ST3GAL5: variants seen among roughly 807,000 people sequenced by gnomAD.
ST3GAL5 encodes the protein ST3 beta-galactoside alpha-2,3-sialyltransferase 5.
A neutral mutation model predicts 46.1 loss-of-function variants in ST3GAL5; 25 were observed. That is an observed-to-expected ratio of 0.54 (90% CI 0.40 to 0.76). ST3GAL5 has a LOEUF of 0.76. Ranked by LOEUF, ST3GAL5 falls within the 30% of genes least tolerant of loss-of-function variation. The probability of loss-of-function intolerance (pLI) is 0.00; values close to 1 mark genes in which losing one functional copy is unlikely to be tolerated. For synonymous variants in ST3GAL5, 182 were observed against 192.7 expected (o/e 0.94, Z 0.46); for missense variants, 431 against 521.2 (o/e 0.83, Z 1.69).
intron 2 of ST3GAL5, among the ~76,000 whole-genome samples, chr2:85,861,652 AAAAAAAAAAAAG>A (rs1434537555): frequency 8.5e-4 from 129 of 151,154 alleles, no homozygotes; most frequent in Non-Finnish European, 1.5e-3. Flanking sequence ...CCTTAAAAAA[AAAAAAAAAAAAG>A]AAAAGAAAAG....
At position 85,861,199 on chromosome 2, in the gene ST3GAL5, C is replaced by T. The variant is rs759211463; in HGVS notation, c.300G>A (p.Val100=). ...EECDMKKMHY[V]DPDHVKRAQK... ...ATCTAACCTTTACATGGTCAGGGTCCACATAATGCATTTTTTTCATGTCAC... is the reference window on the plus strand; with the variant it reads ...ATCTAACCTTTACATGGTCAGGGTCTACATAATGCATTTTTTTCATGTCAC... The change falls in exon 3 of 7, where the codon GTG becomes GTA. Residue 100 remains valine, a synonymous_variant. Coordinates refer to ENST00000638572, the MANE Select transcript of ST3GAL5 (RefSeq NM_003896.4). 3 of 1,609,392 alleles carry T rather than the reference C, an allele frequency of 1.9e-6. No homozygotes were observed. Among genetic ancestry groups the T allele is most frequent in the Non-Finnish European group, 1.7e-6 (2 of 1,176,152 alleles).
At chr2:85,863,009 T>C (rs966068216) in intron 2 of ST3GAL5, among the ~76,000 whole-genome samples, 1 of 152,188 alleles carries the variant, frequency 6.6e-6, no homozygotes, top group African/African-American at 2.4e-5. Flanking sequence ...GAAATTTAAT[T>C]AACCATATTT....
At chr2:85,846,747 T>C in intron 4 of ST3GAL5, 184 bp from the exon 5 acceptor site, 1 of 610,754 alleles carries the variant, frequency 1.6e-6, no homozygotes. Context: ...CAGCCTTTAG[T>C]ACTTGAGCGA....
intron 1 of ST3GAL5, among the ~76,000 whole-genome samples, chr2:85,872,227 AG>A (rs753386849): frequency 1.3e-5 from 2 of 152,362 alleles, no homozygotes; most frequent in Non-Finnish European, 2.9e-5. Context: ...GAACAGAAGC[AG>A]AACAGGGACA....
chr2:85,844,727 A>T, intron 5 of ST3GAL5, 173 bp from the exon 6 acceptor site: 1 of 807,566 alleles, frequency 1.2e-6, no homozygotes, highest in Non-Finnish European at 2.0e-6. Context: ...ACTCCAACTC[A>T]AAAAAGTAAC....
At chr2:85,843,251 T>C (rs73943777) in intron 6 of ST3GAL5, among the ~76,000 whole-genome samples, 21,937 of 152,116 alleles carry the variant, frequency 0.14, 1,788 homozygotes, top group East Asian at 0.23. Flanking sequence ...TCCATCTTTA[T>C]AAATTTCTCT....
At chr2:85,873,055 T>C (rs1272167646) in intron 1 of ST3GAL5, among the ~76,000 whole-genome samples, 1 of 152,016 alleles carries the variant, frequency 6.6e-6, no homozygotes, top group Non-Finnish European at 1.5e-5. Context: ...TGCCCCAAGG[T>C]GGGGCTGGGG....
At chr2:85,853,382 C>A in intron 3 of ST3GAL5, 1 of 328,236 alleles carries the variant, frequency 3.0e-6, no homozygotes, top group South Asian at 2.5e-5. Context: ...CGTCACCAGA[C>A]AATGCTCAAG....
At chr2:85,874,264 A>C (rs921322672) in intron 1 of ST3GAL5, among the ~76,000 whole-genome samples, 6 of 152,232 alleles carry the variant, frequency 3.9e-5, no homozygotes, top group Non-Finnish European at 8.8e-5. Flanking sequence ...AAAAGTGTTA[A>C]GGCAATTAAT....
Position 85,888,845 on chromosome 2 carries a change from C to A in ST3GAL5, c.61G>T (p.Ala21Ser). ...RRPLQPRTEA[A>S]AAPAGRAMPS... ...GTACCTCGGCCGGCAGGTGCCGCCGCTGCCTCGGTCCGCGGCTGCAGGGGA... is the reference window on the plus strand; with the variant it reads ...GTACCTCGGCCGGCAGGTGCCGCCGATGCCTCGGTCCGCGGCTGCAGGGGA... Residue 21 changes from alanine (A) to serine (S), a missense_variant, in exon 1 of 7, where the codon GCG becomes TCG. Physicochemically the swap from Ala to Ser is moderately conservative, Grantham distance 99 (BLOSUM62 1). Transcript: ENST00000638572. The A allele has an allele frequency of 7.6e-7, 1 of 1,317,938 alleles. No individual in the cohort carries two copies. The highest frequency in any genetic ancestry group is 3.4e-5 in the East Asian group (1 of 29,492). 81.6% of individuals were successfully genotyped at this position (1,317,938 alleles called of 1,614,324 possible).
intron 3 of ST3GAL5, chr2:85,851,242 GGGCACATT>G: frequency 9.3e-7 from 1 of 1,077,406 alleles, no homozygotes; most frequent in Non-Finnish European, 1.1e-6. Flanking sequence ...ACTGTGGGTA[GGGCACATT>G]TCTCAGTAGT....
intron 3 of ST3GAL5, chr2:85,856,165 T>G (rs1334998406): frequency 6.6e-6 from 1 of 152,164 alleles, no homozygotes; most frequent in African/African-American, 2.4e-5. Flanking sequence ...TTATTCATAA[T>G]AGCCAAAAGT....
At chr2:85,873,679 A>G (rs1319140918) in intron 1 of ST3GAL5, among the ~76,000 whole-genome samples, 2 of 152,198 alleles carry the variant, frequency 1.3e-5, no homozygotes, top group Non-Finnish European at 2.9e-5. Flanking sequence ...GGCCTTGCAG[A>G]GTCCCAAACG....
intron 1 of ST3GAL5, among the ~76,000 whole-genome samples, chr2:85,878,892 C>T (rs955197580): frequency 1.3e-5 from 2 of 151,964 alleles, no homozygotes; most frequent in African/African-American, 2.4e-5. Flanking sequence ...AATGGGTCCT[C>T]GAAGAATGAC....
Position 85,881,239 on chromosome 2 carries a change from C to G in ST3GAL5, c.82+7585G>C, listed in dbSNP as rs1229676473. 2.0e-5 allele frequency among the ~76,000 whole-genome samples: 3 copies of G among 152,184 alleles called. No individual in the cohort carries two copies. The South Asian group carries it at 6.2e-4, about 32-fold the overall frequency. Reference sequence around the variant, plus strand: ...TGTGGAACTGTAAATCCAATTAAACCTCTTTCTTGTATAAATTGCCCAGTC... The same window carrying G: ...TGTGGAACTGTAAATCCAATTAAACGTCTTTCTTGTATAAATTGCCCAGTC... On this transcript the variant is annotated intron_variant, in intron 1 of 6. Transcript: ENST00000638572.
intron 3 of ST3GAL5, among the ~76,000 whole-genome samples, chr2:85,857,066 CAAAAAAAAAA>C (rs373154047): frequency 4.2e-5 from 3 of 70,896 alleles, no homozygotes; most frequent in African/African-American, 6.0e-5. Flanking sequence ...CTGCCTCTAC[CAAAAAAAAAA>C]AAAAAAAAAA....
At position 85,844,741 on chromosome 2, in the gene ST3GAL5, G is replaced by A. The variant is rs2280314; in HGVS notation, c.850-187C>T. On this transcript the variant is annotated intron_variant, in intron 5 of 6. Transcript: ENST00000638572. ...CACTCCAACTCAAAAAAGTAACTCT[G>A]AAATAGCCACTTCACACAGGCGGCA... 89,977 of 707,646 alleles carry A rather than the reference G, an allele frequency of 0.13. 6,614 individuals are homozygous for A. Among genetic ancestry groups the A allele is most frequent in the East Asian group, 0.27 (9,776 of 36,584 alleles). The allele number at this position is 707,646 out of a possible 1,614,324, so 43.8% of individuals were successfully genotyped here.
chr2:85,867,787 CG>C (rs1310577225), intron 1 of ST3GAL5: 26 of 680,390 alleles, frequency 3.8e-5, no homozygotes, highest in Admixed American at 1.5e-4. Flanking sequence ...TATGGTATAA[CG>C]GCAAGACTGT....
intron 5 of ST3GAL5, 46 bp downstream of exon 5, chr2:85,846,331 C>T (rs562660240): frequency 6.4e-7 from 1 of 1,570,326 alleles, no homozygotes; most frequent in Non-Finnish European, 8.8e-7. Flanking sequence ...AGTAAGACTC[C>T]TTCACTTTTT....
Sources: allele counts gnomAD v4.1 joint callset (sites outside exome capture counted in the v4.1 genomes callset), GRCh38; gene constraint gnomAD v4.1.1; transcripts MANE v1.5; gene names NCBI Gene and HGNC (gene_info 2026-07-23, HGNC 2026-07-21).